The following ARSG variants were observed in gnomAD, a reference collection of about 807,000 sequenced individuals.
ARSG encodes arylsulfatase G, also known as ASG.
A neutral mutation model predicts 50.5 loss-of-function variants in ARSG; 37 were observed. The ratio of observed to expected loss-of-function variants is 0.73; its 90% confidence interval spans 0.56 to 0.96. ARSG has a LOEUF of 0.96. Ranked by LOEUF, ARSG falls within the 50% of genes least tolerant of loss-of-function variation. ARSG has a pLI of 0.00. For synonymous variants in ARSG, 225 were observed against 254.6 expected (o/e 0.88, Z 1.11); for missense variants, 629 against 675.3 (o/e 0.93, Z 0.76).
rs574527674 is a variant in ARSG at position 68,390,975 on chromosome 17, C to G, written c.1092-4098C>G. Among the ~76,000 whole-genome samples the G allele has an allele frequency of 3.3e-5, 5 of 151,130 alleles. No homozygotes were observed. In the South Asian group the frequency reaches 1.0e-3, roughly 32 times the overall value. ...AAGAGACCCACGAAGGCAGAAGTGC[C>G]CAGGTCCCATGAAAGCTGCAGTGTG... is the stretch of plus-strand genomic sequence containing the variant. On this transcript the variant is annotated intron_variant, in intron 9 of 11. Transcript: ENST00000621439.
intron 2 of ARSG, among the ~76,000 whole-genome samples, chr17:68,340,142 A>T (rs140850562): frequency 6.6e-6 from 1 of 152,188 alleles, no homozygotes; most frequent in Non-Finnish European, 1.5e-5. Flanking sequence ...AAGTGTCAAG[A>T]TGAATGTTTA....
chr17:68,305,425 G>A (rs1011141535), intron 1 of ARSG, among the ~76,000 whole-genome samples: 4 of 152,262 alleles, frequency 2.6e-5, no homozygotes, highest in African/African-American at 9.6e-5. Flanking sequence ...AGCAGTACAG[G>A]CCTCACATGG....
intron 1 of ARSG, chr17:68,268,799 C>G (rs1555747313): frequency 2.9e-6 from 1 of 350,332 alleles, no homozygotes; most frequent in East Asian, 6.2e-5. Context: ...GGAATGTGAA[C>G]CAAAGAGTCT....
At chr17:68,270,984 A>G (rs782733542) in intron 1 of ARSG, 2 of 1,614,162 alleles carry the variant, frequency 1.2e-6, no homozygotes, top group Non-Finnish European at 1.7e-6. Context: ...CCATAAACCC[A>G]AAAAATATGC....
rs143525954 is a variant in ARSG at position 68,272,939 on chromosome 17, C to T, written c.-552+13513C>T. Among the ~76,000 whole-genome samples, 728 of 151,678 alleles carry T rather than the reference C, an allele frequency of 4.8e-3. 4 individuals are homozygous for T. The highest frequency in any genetic ancestry group is 8.4e-3 in the Non-Finnish European group (574 of 67,948). ...TGCAAAGAAAAATGGGTTTCATTAA[C>T]GGTCTGGATAAACTTCAGTGGTTGT... On this transcript the variant is annotated intron_variant, in intron 1 of 11. Coordinates refer to the ARSG transcript ENST00000448504.
rs1313940902 is a variant in ARSG at position 68,378,582 on chromosome 17, A to T, written c.983-6482A>T. ...CTCCCGAAGAAGAAGGGCACGAGTCAGACACCCCTGCTGTCTCTGAGTCCA... is the reference window on the plus strand; with the variant it reads ...CTCCCGAAGAAGAAGGGCACGAGTCTGACACCCCTGCTGTCTCTGAGTCCA... On this transcript the variant is annotated intron_variant, in intron 8 of 11. Coordinates refer to ENST00000621439, the MANE Select transcript of ARSG (RefSeq NM_001267727.2). The surrounding 1 kb of genome is among the most constrained non-coding windows in gnomAD (Gnocchi z 4.4). Among the ~76,000 whole-genome samples the T allele has an allele frequency of 6.6e-6, 1 of 152,192 alleles. No individual in the cohort carries two copies. Among genetic ancestry groups the T allele is most frequent in the East Asian group, 1.9e-4 (1 of 5,178 alleles).
intron 1 of ARSG, among the ~76,000 whole-genome samples, chr17:68,306,550 A>T (rs2076617127): frequency 6.6e-6 from 1 of 152,240 alleles, no homozygotes; most frequent in Non-Finnish European, 1.5e-5. Flanking sequence ...ATGTAGAAAC[A>T]TTAGGTTATA....
intron 3 of ARSG, 105 bp from the exon 4 acceptor site, chr17:68,347,020 T>A (rs776127407): frequency 1.4e-5 from 22 of 1,563,902 alleles, no homozygotes; most frequent in Non-Finnish European, 1.9e-5. Flanking sequence ...TTGTCCACAG[T>A]GCGAGGCGAA....
intron 11 of ARSG, among the ~76,000 whole-genome samples, chr17:68,409,060 A>AT (rs1426718996): frequency 4.4e-5 from 6 of 136,512 alleles, no homozygotes; most frequent in Non-Finnish European, 7.8e-5. Flanking sequence ...ATTTTCTCCC[A>AT]TTTTGTAGGT....
Position 68,351,484 on chromosome 17 carries a change from A to T in ARSG, c.455-91A>T, listed in dbSNP as rs538461720. 7.7e-4 allele frequency: 564 copies of T among 735,652 alleles called. 8 individuals carry two copies. Among genetic ancestry groups the T allele is most frequent in the South Asian group, 7.5e-3 (505 of 67,314 alleles). The allele number at this position is 735,652 out of a possible 1,614,324, so 45.6% of individuals were successfully genotyped here. On this transcript the variant is annotated intron_variant, in intron 4 of 11. Transcript: ENST00000621439. ...CTCTATAGCACTGCAGTATTAAATC[A>T]TAGGAAATTACATTTTTGTCGTGGG...
At chr17:68,387,913 C>A (rs1183161106) in intron 9 of ARSG, among the ~76,000 whole-genome samples, 3 of 152,082 alleles carry the variant, frequency 2.0e-5, no homozygotes, top group Non-Finnish European at 4.4e-5. Flanking sequence ...GCGGGGGATC[C>A]ATTCACATGG....
downstream of ARSG, among the ~76,000 whole-genome samples, chr17:68,424,858 CAG>C (rs1170525799): frequency 1.3e-5 from 2 of 152,224 alleles, no homozygotes; most frequent in African/African-American, 2.4e-5. Flanking sequence ...GCCTGGGTGA[CAG>C]AGCAAGACTC....
upstream of ARSG, among the ~76,000 whole-genome samples, chr17:68,286,871 T>A (rs1232835830): frequency 6.6e-6 from 1 of 152,236 alleles, no homozygotes; most frequent in African/African-American, 2.4e-5. Context: ...CCAAGGAAAC[T>A]GAGCTCGGAG....
chr17:68,273,578 C>T (rs1325896261), intron 1 of ARSG, among the ~76,000 whole-genome samples: 1 of 152,158 alleles, frequency 6.6e-6, no homozygotes, highest in Non-Finnish European at 1.5e-5. Flanking sequence ...TGGCATGTTG[C>T]ACTTCCCCTA....
chr17:68,395,228 C>G (rs1201775265), intron 10 of ARSG, 35 bp downstream of exon 10: 1 of 1,609,852 alleles, frequency 6.2e-7, no homozygotes, highest in South Asian at 1.1e-5. Flanking sequence ...CATGTAGGCT[C>G]TTTAGGAGGC....
chr17:68,439,075 CA>C, the ARSG span, among the ~76,000 whole-genome samples: 4 of 152,136 alleles, frequency 2.6e-5, no homozygotes, highest in Non-Finnish European at 4.4e-5. Context: ...GAACGTTTAG[CA>C]GTTCTTCAAA....
At chr17:68,344,394 G>A (rs1021480266) in intron 3 of ARSG, among the ~76,000 whole-genome samples, 1 of 152,188 alleles carries the variant, frequency 6.6e-6, no homozygotes, top group African/African-American at 2.4e-5. Context: ...AGGATACATG[G>A]GGACATGGGC....
At chr17:68,417,061 T>G (rs115637866) in intron 11 of ARSG, among the ~76,000 whole-genome samples, 2,563 of 152,304 alleles carry the variant, frequency 0.017, 81 homozygotes, top group African/African-American at 0.059. Context: ...TTTGTCATAT[T>G]AATTACCAGA....
At chr17:68,325,176 G>T (rs574402505) in intron 2 of ARSG, among the ~76,000 whole-genome samples, 1 of 152,056 alleles carries the variant, frequency 6.6e-6, no homozygotes, top group Admixed American at 6.6e-5. Flanking sequence ...TTGCATTACC[G>T]CCTGAGCTCC....
Sources: gnomAD v4.1 joint callset for allele counts (sites outside exome capture counted in the v4.1 genomes callset) on GRCh38, gnomAD v4.1.1 for gene constraint, Gnocchi (gnomAD v3.1) non-coding constraint, MANE v1.5 for transcripts, NCBI Gene and HGNC (gene_info 2026-07-23, HGNC 2026-07-21) for gene names.